HEPHL1: variants seen among roughly 807,000 people sequenced by gnomAD.
The protein encoded by HEPHL1 is hephaestin like 1, also known as ferroxidase HEPHL1.
A neutral mutation model predicts 122.0 loss-of-function variants in HEPHL1; 123 were observed. The observed-to-expected ratio is 1.01, with a 90% CI of 0.87 to 1.17. HEPHL1 has a LOEUF of 1.17. Among genes scored for constraint, HEPHL1 ranks in the 50% most tolerant of loss-of-function variants. The probability of loss-of-function intolerance (pLI) is 0.00; values close to 1 mark genes in which losing one functional copy is unlikely to be tolerated. For synonymous variants in HEPHL1, 527 were observed against 508.9 expected, an observed-to-expected ratio of 1.04 and a Z score of -0.48; for missense variants, 1,452 against 1,430.5, an observed-to-expected ratio of 1.01 and a Z score of -0.24.
Position 94,086,129 on chromosome 11 carries a change from G to T in HEPHL1, c.2020G>T (p.Asp674Tyr). The part of the protein sequence containing the change: ...NTIHLRGTHR[D>Y]SLALFPHMAT... Reference sequence around the variant, plus strand: ...CATCCACCTACGAGGGACTCACCGAGACTCCCTGGCCCTGTTTCCCCACAT... The same window carrying T: ...CATCCACCTACGAGGGACTCACCGATACTCCCTGGCCCTGTTTCCCCACAT... The change falls in exon 11 of 20, where the codon GAC becomes TAC. Residue 674 changes from aspartate to tyrosine, a missense_variant. Asp to Tyr is a radical substitution (Grantham distance 160). Transcript: ENST00000315765. 6.2e-7 allele frequency: 1 copy of T among 1,613,326 alleles called. No individual in the cohort carries two copies. Among genetic ancestry groups the T allele is most frequent in the South Asian group, 1.1e-5 (1 of 90,916 alleles).
rs1946037775 is a variant in HEPHL1 at position 94,066,714 on chromosome 11, T to G, written c.809-782T>G. The stretch of plus-strand genomic sequence containing the variant: ...TAAAATAATTTAGAATTAATTGTGC[T>G]GCCTAAGTCATCAGGCATTTCAGCA... On this transcript the variant is annotated intron_variant, in intron 4 of 19. Transcript: ENST00000315765. Among the ~76,000 whole-genome samples the G allele has an allele frequency of 2.6e-5, 4 of 152,242 alleles. No individual in the cohort carries two copies. In the South Asian group the frequency reaches 8.3e-4, roughly 32 times the overall value.
In HEPHL1 at chr11:94,063,695, T is replaced by C. The variant is rs757551030; in HGVS notation, c.603T>C (p.Ile201=). The change falls in exon 3 of 20, where the codon ATT becomes ATC. Residue 201 remains isoleucine, a synonymous_variant. Transcript: ENST00000315765. The part of the protein sequence containing the change: ...DAPKDICSGL[I]GPLLVCKEGI... ...CAAAGGACATCTGCTCTGGGCTAAT[T>C]GGGCCCCTGCTGGTCTGCAAGGAAG... 3.1e-6 allele frequency: 5 copies of C among 1,613,796 alleles called. No individual in the cohort carries two copies. The South Asian group carries it at 5.5e-5, about 18-fold the overall frequency.
chr11:94,064,452 C>A lies in HEPHL1; in HGVS notation c.750C>A (p.Thr250=), dbSNP rs750777593. The change falls in exon 4 of 20, where the codon ACC becomes ACA. Residue 250 remains threonine, a synonymous_variant. Coordinates refer to ENST00000315765, the MANE Select transcript of HEPHL1 (RefSeq NM_001098672.2). ...YLNENIKHFC[T]NPDSVDKKDA... Reference sequence around the variant, plus strand: ...ATGAAAATATCAAACATTTCTGCACCAACCCTGATTCAGTTGACAAGAAAG... The same window carrying A: ...ATGAAAATATCAAACATTTCTGCACAAACCCTGATTCAGTTGACAAGAAAG... 7 of 1,612,810 alleles carry A rather than the reference C, an allele frequency of 4.3e-6. No homozygotes were observed. Among genetic ancestry groups the A allele is most frequent in the Non-Finnish European group, 5.9e-6 (7 of 1,179,044 alleles).
intron 1 of HEPHL1, among the ~76,000 whole-genome samples, chr11:94,042,616 A>G (rs1186298689): frequency 6.6e-6 from 1 of 150,726 alleles, no homozygotes; most frequent in East Asian, 2.0e-4. Flanking sequence ...TCAGTAAACT[A>G]TCGCGAGAAC....
chr11:94,083,579 A>T (rs1204903028), intron 10 of HEPHL1, among the ~76,000 whole-genome samples: 1 of 152,184 alleles, frequency 6.6e-6, no homozygotes, highest in Non-Finnish European at 1.5e-5. Flanking sequence ...CATAAAATCT[A>T]TTTATTGCCT....
At chr11:94,092,318 C>A (rs973420119) in intron 12 of HEPHL1, among the ~76,000 whole-genome samples, 1 of 152,188 alleles carries the variant, frequency 6.6e-6, no homozygotes, top group Non-Finnish European at 1.5e-5. Flanking sequence ...TTTGTAGATT[C>A]TGCTTTTGCA....
At chr11:94,036,994 G>A (rs1230207893) in intron 1 of HEPHL1, among the ~76,000 whole-genome samples, 4 of 152,196 alleles carry the variant, frequency 2.6e-5, no homozygotes, top group Non-Finnish European at 5.9e-5. Flanking sequence ...GACAGTGGGC[G>A]CAGGCCAGTG....
intron 4 of HEPHL1, among the ~76,000 whole-genome samples, chr11:94,065,822 C>T (rs1231064039): frequency 7.2e-5 from 11 of 152,138 alleles, no homozygotes. Flanking sequence ...TGTATTTATT[C>T]TTTTGAAGTG....
intron 13 of HEPHL1, 56 bp from the exon 14 acceptor site, chr11:94,101,139 T>C: frequency 6.4e-7 from 1 of 1,573,984 alleles, no homozygotes; most frequent in Admixed American, 1.9e-5. Context: ...ATATTTAAAT[T>C]ACACTAATGT....
intron 12 of HEPHL1, among the ~76,000 whole-genome samples, chr11:94,089,560 A>G (rs1189065188): frequency 6.6e-6 from 1 of 152,222 alleles, no homozygotes; most frequent in East Asian, 1.9e-4. Context: ...CCCAAGACTC[A>G]GCAGCTCTCA....
chr11:94,060,589 T>G (rs1423472494), intron 2 of HEPHL1, among the ~76,000 whole-genome samples: 1 of 152,140 alleles, frequency 6.6e-6, no homozygotes, highest in African/African-American at 2.4e-5. Flanking sequence ...TTGCCCAAGC[T>G]GCATACCTAA....
At chr11:94,035,410 G>A (rs747338322) in intron 1 of HEPHL1, among the ~76,000 whole-genome samples, 1 of 152,172 alleles carries the variant, frequency 6.6e-6, no homozygotes, top group Admixed American at 6.5e-5. Context: ...GTACTTGTTG[G>A]AAGTCAGCAG....
intron 17 of HEPHL1, among the ~76,000 whole-genome samples, chr11:94,107,567 C>T (rs926658253): frequency 6.6e-6 from 1 of 152,196 alleles, no homozygotes; most frequent in Non-Finnish European, 1.5e-5. Context: ...TCAACTACTT[C>T]CCCATACTTA....
intron 8 of HEPHL1, 108 bp from the exon 9 acceptor site, chr11:94,075,066 C>T (rs1248828878): frequency 2.3e-6 from 2 of 872,542 alleles, no homozygotes; most frequent in Non-Finnish European, 3.6e-6. Flanking sequence ...TCTCCTGGTA[C>T]AAAATTCTTC....
At chr11:94,111,094 G>A in intron 18 of HEPHL1, 29 bp downstream of exon 18, 1 of 1,534,362 alleles carries the variant, frequency 6.5e-7, no homozygotes, top group Non-Finnish European at 8.8e-7. Flanking sequence ...GATGCCAGAT[G>A]ATGGCACCGA....
At chr11:94,055,130 GCTCA>G in intron 2 of HEPHL1, 1 of 200,226 alleles carries the variant, frequency 5.0e-6, no homozygotes, top group Non-Finnish European at 1.0e-5. Context: ...AGCTTGTGTA[GCTCA>G]ATCTGGCCAT....
chr11:94,062,480 C>T (rs1945993772), intron 2 of HEPHL1, among the ~76,000 whole-genome samples: 1 of 152,158 alleles, frequency 6.6e-6, no homozygotes, highest in African/African-American at 2.4e-5. Flanking sequence ...GCCACACTGG[C>T]TCTTGCTGTG....
In HEPHL1 at chr11:94,089,037, T is replaced by A. The variant is rs541069467; in HGVS notation, c.2294+69T>A. 2.9e-6 allele frequency: 4 copies of A among 1,366,098 alleles called. No homozygotes were observed. The South Asian group carries it at 3.5e-5, about 12-fold the overall frequency. 84.6% of individuals were successfully genotyped at this position (1,366,098 alleles called of 1,614,324 possible). A position where few individuals can be genotyped will look rare whatever the true frequency, so the allele number is the denominator to read the frequency against. ...ATGCTCCGTAGGTCTTTAGTAAGTG[T>A]GGCTCCCTGCAAATTCCCAGGTTGT... On this transcript the variant is annotated intron_variant, in intron 12 of 19. Coordinates refer to ENST00000315765, the MANE Select transcript of HEPHL1 (RefSeq NM_001098672.2).
intron 1 of HEPHL1, among the ~76,000 whole-genome samples, chr11:94,027,833 G>A (rs1051331419): frequency 3.3e-5 from 5 of 152,170 alleles, no homozygotes; most frequent in Admixed American, 6.5e-5. Flanking sequence ...GACCCAGAGT[G>A]AAAGAATGTA....
Sources: allele counts gnomAD v4.1 joint callset (sites outside exome capture counted in the v4.1 genomes callset), GRCh38; gene constraint gnomAD v4.1.1; transcripts MANE v1.5; gene names NCBI Gene and HGNC (gene_info 2026-07-23, HGNC 2026-07-21).